ASAP1: variants seen among roughly 807,000 people sequenced by gnomAD.
The protein encoded by ASAP1 is arf-GAP with SH3 domain, ANK repeat and PH domain-containing protein 1.
ASAP1 carries 43 observed loss-of-function variants against 145.2 expected under a neutral mutation model. The ratio of observed to expected loss-of-function variants is 0.30; its 90% CI spans 0.23 to 0.38. The LOEUF (loss-of-function observed/expected upper bound fraction) is 0.38, where lower values mean the gene tolerates loss of function less well. Among genes scored for constraint, ASAP1 ranks in the 10% least tolerant of loss-of-function variants. The probability of loss-of-function intolerance (pLI) is 1.00; values close to 1 mark genes in which losing one functional copy is unlikely to be tolerated. For synonymous variants in ASAP1, 546 were observed against 515.5 expected, an observed-to-expected ratio of 1.06 and a Z score of -0.80; for missense variants, 1,018 against 1,355.3, an observed-to-expected ratio of 0.75 and a Z score of 3.91.
At chr8:130,275,466 A>G (rs1290822551) in intron 3 of ASAP1, among the ~76,000 whole-genome samples, 1 of 151,930 alleles carries the variant, frequency 6.6e-6, no homozygotes, top group East Asian at 1.9e-4. Flanking sequence ...GAGGCGTCCC[A>G]GCGCCTGCAC....
At position 130,132,977 on chromosome 8, in the gene ASAP1, C is replaced by T. The variant is rs147357446; in HGVS notation, c.1217+1319G>A. On this transcript the variant is annotated intron_variant, in intron 15 of 29. Coordinates refer to ENST00000518721, the MANE Select transcript of ASAP1 (RefSeq NM_018482.4). ...GTGTGTGAGCAATAACAAAAGTAAG[C>T]GAGTGGGAGAGAGAAAAGAAGTGAG... Among the ~76,000 whole-genome samples the T allele has an allele frequency of 2.4e-4, 36 of 151,892 alleles. No homozygotes were observed. The East Asian group carries it at 5.2e-3, about 22-fold the overall frequency.
chr8:130,075,383 C>T (rs2097460029), intron 27 of ASAP1, among the ~76,000 whole-genome samples: 1 of 152,170 alleles, frequency 6.6e-6, no homozygotes, highest in African/African-American at 2.4e-5. Context: ...TGTTACTTCA[C>T]TGAAGAACTC....
rs561548872 is a variant in ASAP1 at position 130,174,133 on chromosome 8, C to T, written c.747-5066G>A. ...AAAAAAAAAGGCTTAGGAGTCAAAA[C>T]CATATCATATTTTATATTTTGGCTC... On this transcript the variant is annotated intron_variant, in intron 9 of 29. Transcript: ENST00000518721. Among the ~76,000 whole-genome samples the T allele has an allele frequency of 5.5e-5, 8 of 145,700 alleles. No homozygotes were observed. The South Asian group carries it at 1.8e-3, about 32-fold the overall frequency.
At chr8:130,276,728 A>ACACACACTCT (rs548512902) in intron 3 of ASAP1, among the ~76,000 whole-genome samples, 1,667 of 87,236 alleles carry the variant, frequency 0.019, 19 homozygotes, top group Middle Eastern at 0.053. Flanking sequence ...ACACACACAC[A>ACACACACTCT]CTCTCTCTCT....
At chr8:130,413,309 T>C (rs1387967725) in intron 1 of ASAP1, among the ~76,000 whole-genome samples, 1 of 152,228 alleles carries the variant, frequency 6.6e-6, no homozygotes, top group East Asian at 1.9e-4. Flanking sequence ...CTCGAGCTCA[T>C]TCCTAACACT....
At chr8:130,283,258 A>G (rs565125559) in intron 3 of ASAP1, among the ~76,000 whole-genome samples, 5 of 151,526 alleles carry the variant, frequency 3.3e-5, no homozygotes, top group African/African-American at 7.3e-5. Context: ...GCAGGATGCC[A>G]GGAAACAAAC....
intron 2 of ASAP1, chr8:130,361,602 T>C: frequency 8.5e-7 from 1 of 1,170,524 alleles, no homozygotes; most frequent in East Asian, 2.6e-5. Flanking sequence ...GATATTGTGC[T>C]TTGGTAAGTA....
Position 130,316,423 on chromosome 8 carries a change from A to G in ASAP1, c.186+41594T>C, listed in dbSNP as rs73409351. On this transcript the variant is annotated intron_variant, in intron 3 of 29. Coordinates refer to ENST00000518721, the MANE Select transcript of ASAP1 (RefSeq NM_018482.4). ...ACAGACACTGCTGATGTGCTGCCCCAACATCCATTCTCCCCATCTCCTTAG... is the reference window on the plus strand; with the variant it reads ...ACAGACACTGCTGATGTGCTGCCCCGACATCCATTCTCCCCATCTCCTTAG... Among the ~76,000 whole-genome samples, 1,368 of 152,304 alleles carry G rather than the reference A, an allele frequency of 9.0e-3. 19 individuals are homozygous for G. Among genetic ancestry groups the G allele is most frequent in the African/African-American group, 0.032 (1,328 of 41,566 alleles).
At chr8:130,148,842 T>A (rs1159833974) in intron 13 of ASAP1, among the ~76,000 whole-genome samples, 1 of 150,752 alleles carries the variant, frequency 6.6e-6, no homozygotes, top group Non-Finnish European at 1.5e-5. Flanking sequence ...AGGCTAAAAC[T>A]TTTTTTTCTT....
At chr8:130,429,493 A>G (rs1047715447) in intron 1 of ASAP1, among the ~76,000 whole-genome samples, 6 of 152,252 alleles carry the variant, frequency 3.9e-5, no homozygotes, top group African/African-American at 1.4e-4. Flanking sequence ...AAACTTGCTT[A>G]CAGTCAGCAA....
At chr8:130,262,409 AAAAAAAAAGAGAGAG>A (rs1819963558) in intron 3 of ASAP1, among the ~76,000 whole-genome samples, 8 of 112,500 alleles carry the variant, frequency 7.1e-5, no homozygotes, top group South Asian at 6.9e-4. Flanking sequence ...AAAAAAAAAA[AAAAAAAAAGAGAGAG>A]AGAGAGAGAG....
chr8:130,270,004 T>C (rs1337019027), intron 3 of ASAP1, among the ~76,000 whole-genome samples: 1 of 152,106 alleles, frequency 6.6e-6, no homozygotes, highest in African/African-American at 2.4e-5. Context: ...ACCTCATCTC[T>C]ACTAAAAATA....
chr8:130,158,583 G>C (rs969820171), intron 12 of ASAP1, among the ~76,000 whole-genome samples: 1 of 152,126 alleles, frequency 6.6e-6, no homozygotes, highest in Non-Finnish European at 1.5e-5. Flanking sequence ...CTGTGAAGCA[G>C]AATCATTTGT....
intron 24 of ASAP1, among the ~76,000 whole-genome samples, chr8:130,093,024 C>A (rs2097508884): frequency 6.7e-6 from 1 of 150,198 alleles, no homozygotes; most frequent in South Asian, 2.1e-4. Context: ...AAGAGAAATC[C>A]AAAAACCCTT....
At chr8:130,086,640 C>T (rs1428786247) in intron 25 of ASAP1, among the ~76,000 whole-genome samples, 1 of 151,776 alleles carries the variant, frequency 6.6e-6, no homozygotes, top group Non-Finnish European at 1.5e-5. Context: ...CCCGTCTCCA[C>T]AAAAAATACA....
intron 24 of ASAP1, among the ~76,000 whole-genome samples, chr8:130,103,707 T>C (rs554681288): frequency 1.3e-5 from 2 of 152,308 alleles, no homozygotes; most frequent in South Asian, 4.1e-4. Context: ...TTCACCATGT[T>C]GGCCAGGCTG....
intron 26 of ASAP1, among the ~76,000 whole-genome samples, chr8:130,077,742 T>C (rs1273205912): frequency 2.0e-5 from 3 of 151,884 alleles, no homozygotes; most frequent in Non-Finnish European, 2.9e-5. Flanking sequence ...AGATGAAAGG[T>C]GTGTGCTCCT....
At chr8:130,422,762 A>T (rs1471539873) in intron 1 of ASAP1, among the ~76,000 whole-genome samples, 1 of 152,226 alleles carries the variant, frequency 6.6e-6, no homozygotes, top group Non-Finnish European at 1.5e-5. Flanking sequence ...CTGGGTTCAT[A>T]GCAAGTTCTG....
At chr8:130,269,905 C>T (rs2137062556) in intron 3 of ASAP1, among the ~76,000 whole-genome samples, 1 of 152,342 alleles carries the variant, frequency 6.6e-6, no homozygotes, top group East Asian at 1.9e-4. Flanking sequence ...CATGGTGGCT[C>T]ACACCTATTA....
Sources: gnomAD v4.1 joint callset for allele counts (sites outside exome capture counted in the v4.1 genomes callset) on GRCh38, gnomAD v4.1.1 for gene constraint, MANE v1.5 for transcripts, NCBI Gene and HGNC (gene_info 2026-07-23, HGNC 2026-07-21) for gene names.